POFUT1: variants seen among roughly 807,000 people sequenced by gnomAD.
POFUT1 encodes protein O-fucosyltransferase 1, also known as GDP-fucose protein O-fucosyltransferase 1.
In POFUT1, 16 loss-of-function variants were observed where a neutral mutation model predicts 42.4. The observed-to-expected ratio is 0.38, with a 90% CI of 0.26 to 0.57. The LOEUF (loss-of-function observed/expected upper bound fraction) is 0.57, where lower values mean the gene tolerates loss of function less well. Among genes scored for constraint, POFUT1 ranks in the 20% least tolerant of loss-of-function variants. The pLI is 0.71. For synonymous variants in POFUT1, 206 were observed against 205.4 expected (o/e 1.00, Z -0.03); for missense variants, 470 against 504.6 (o/e 0.93, Z 0.66).
chr20:32,214,976 C>T (rs59582435), intron 2 of POFUT1, among the ~76,000 whole-genome samples: 2 of 152,122 alleles, frequency 1.3e-5, no homozygotes, highest in Non-Finnish European at 1.5e-5. Flanking sequence ...CAACCTCCAC[C>T]TCCTGGGTTC....
At chr20:32,234,417 G>T in intron 6 of POFUT1, 56 bp from the exon 7 acceptor site, 1 of 1,465,618 alleles carries the variant, frequency 6.8e-7, no homozygotes, top group Non-Finnish European at 9.3e-7. Context: ...GGGTGTGGAT[G>T]GCAGGCCTTG....
At chr20:32,221,709 AT>A (rs1569156384) in intron 4 of POFUT1, among the ~76,000 whole-genome samples, 1 of 151,144 alleles carries the variant, frequency 6.6e-6, no homozygotes. Flanking sequence ...GATTGAGACC[AT>A]CTTAAAAAAA....
rs141137887 is a variant in POFUT1, at chr20:32,225,610, C to T, written c.543-2653C>T. 2.4e-4 allele frequency among the ~76,000 whole-genome samples: 37 copies of T among 152,248 alleles called. No individual in the cohort carries two copies. The East Asian group carries it at 6.9e-3, about 29-fold the overall frequency. ...CTCAAGCGATTTTCCCATGTAGCCT[C>T]CTAGGTAGCTGAGACCACAGGCACA... is the stretch of plus-strand genomic sequence containing the variant. On this transcript the variant is annotated intron_variant, in intron 4 of 6. Transcript: ENST00000375749.
chr20:32,210,137 C>A lies in POFUT1; in HGVS notation c.191C>A (p.Thr64Asn). ...GCATTTGCAAAGCTGCTAAACCGTA[C>A]CTTGGCTGTCCCTCCTTGGATTGAG... is the stretch of plus-strand genomic sequence containing the variant. Reference protein sequence around the residue: ...SLAFAKLLNRTLAVPPWIEYQ... With the variant: ...SLAFAKLLNRNLAVPPWIEYQ... The change falls in exon 2 of 7, where the codon ACC (threonine) becomes AAC (asparagine). Residue 64 changes from threonine to asparagine, a missense_variant. By Grantham distance (65) the Thr-to-Asn change is moderately conservative. Coordinates refer to ENST00000375749, the MANE Select transcript of POFUT1 (RefSeq NM_015352.2). 6.2e-7 allele frequency: 1 copy of A among 1,614,074 alleles called. No individual in the cohort carries two copies. The highest frequency in any genetic ancestry group is 1.1e-5 in the South Asian group (1 of 91,082).
intron 4 of POFUT1, among the ~76,000 whole-genome samples, chr20:32,227,572 G>A (rs550440902): frequency 1.4e-4 from 22 of 152,226 alleles, no homozygotes; most frequent in Admixed American, 8.5e-4. Flanking sequence ...AAGCTCTTGG[G>A]TGTGCCAGAC....
At chr20:32,218,843 G>A (rs1418143998) in intron 4 of POFUT1, among the ~76,000 whole-genome samples, 1 of 152,218 alleles carries the variant, frequency 6.6e-6, no homozygotes, top group Non-Finnish European at 1.5e-5. Context: ...ATGGTGCATG[G>A]GGAGTGTTGT....
chr20:32,215,639 GA>G (rs2047356145), intron 3 of POFUT1, among the ~76,000 whole-genome samples, 188 bp downstream of exon 3: 1 of 152,190 alleles, frequency 6.6e-6, no homozygotes, highest in Non-Finnish European at 1.5e-5. Context: ...TTGCTTCTCT[GA>G]ACCTTCATTT....
In POFUT1 at chr20:32,237,897, T is replaced by C. The variant is rs1331768155; in HGVS notation, c.*3236T>C. ...AAGGAGGTGGGAAATGATTAGATTCTGAACATATGTAATTATTTTTCAGTC... is the reference window on the plus strand; with the variant it reads ...AAGGAGGTGGGAAATGATTAGATTCCGAACATATGTAATTATTTTTCAGTC... On this transcript the variant is annotated 3_prime_UTR_variant, in exon 7 of 7. Transcript: ENST00000375749. The C allele has an allele frequency of 3.9e-6, 2 of 511,874 alleles. No homozygotes were observed. The highest frequency in any genetic ancestry group is 8.0e-6 in the Non-Finnish European group (2 of 249,796). 31.7% of individuals were successfully genotyped at this position (511,874 alleles called of 1,614,324 possible). A position where few individuals can be genotyped will look rare whatever the true frequency, so the allele number is the denominator to read the frequency against.
chr20:32,222,755 G>A (rs935766766), intron 4 of POFUT1: 1 of 985,336 alleles, frequency 1.0e-6, no homozygotes, highest in Admixed American at 6.1e-5. Flanking sequence ...GAATAGCCTG[G>A]CACAGCTCTA....
At chr20:32,223,641 T>G in intron 4 of POFUT1, 1 of 985,386 alleles carries the variant, frequency 1.0e-6, no homozygotes, top group Non-Finnish European at 1.2e-6. Context: ...GCTACTCAGG[T>G]AATATGAATT....
At chr20:32,214,245 C>T (rs1157786853) in intron 2 of POFUT1, among the ~76,000 whole-genome samples, 1 of 152,164 alleles carries the variant, frequency 6.6e-6, no homozygotes, top group Non-Finnish European at 1.5e-5. Context: ...CCATCTCAGC[C>T]TCCCTAGTAG....
intron 3 of POFUT1, 33 bp from the exon 4 acceptor site, chr20:32,216,576 A>G (rs1372054375): frequency 2.9e-6 from 4 of 1,390,136 alleles, no homozygotes; most frequent in Non-Finnish European, 3.1e-6. Flanking sequence ...TTCCCTCCCC[A>G]TCAGTAAGCC....
rs2047471448 is a variant in POFUT1 at position 32,236,467 on chromosome 20, AGCTGAGACT to A, written c.*1809_*1817del. 1.3e-5 allele frequency: 2 copies of A among 152,208 alleles called. No individual in the cohort carries two copies. Among genetic ancestry groups the A allele is most frequent in the Admixed American group, 6.6e-5 (1 of 15,264 alleles). The allele number at this position is 152,208 out of a possible 1,614,324, so 9.4% of individuals were successfully genotyped here. A position where few individuals can be genotyped will look rare whatever the true frequency, so the allele number is the denominator to read the frequency against. On this transcript the variant is annotated 3_prime_UTR_variant, in exon 7 of 7. Transcript: ENST00000375749. ...ATCCTTCTGCCTCAGCCTCTCTGGT[AGCTGAGACT>A]GCATGCCCAGCTCCAAATCACCTTG...
chr20:32,232,165 C>T (rs1600395046), intron 6 of POFUT1, among the ~76,000 whole-genome samples: 2 of 152,106 alleles, frequency 1.3e-5, no homozygotes, highest in African/African-American at 4.8e-5. Context: ...TAATCTCCTC[C>T]CCACCTACTG....
At chr20:32,220,649 A>G (rs894459448) in intron 4 of POFUT1, among the ~76,000 whole-genome samples, 1 of 152,136 alleles carries the variant, frequency 6.6e-6, no homozygotes, top group Non-Finnish European at 1.5e-5. Flanking sequence ...AGGCTGAGGC[A>G]TAAGAATCAC....
intron 2 of POFUT1, among the ~76,000 whole-genome samples, chr20:32,213,852 C>T (rs1255331812): frequency 1.3e-5 from 2 of 152,188 alleles, no homozygotes; most frequent in African/African-American, 4.8e-5. Flanking sequence ...AACACTTTCT[C>T]ATGTTTGTTT....
intron 4 of POFUT1, 29 bp from the exon 5 acceptor site, chr20:32,228,234 T>C: frequency 6.3e-7 from 1 of 1,595,944 alleles, no homozygotes; most frequent in Non-Finnish European, 8.6e-7. Flanking sequence ...GTGCGTCCTC[T>C]GACTTCCCTC....
At chr20:32,223,005 C>G (rs912981973) in intron 4 of POFUT1, 1 of 985,292 alleles carries the variant, frequency 1.0e-6, no homozygotes, top group African/African-American at 1.7e-5. Flanking sequence ...CTGCCTTGTT[C>G]ATGTCCCTGG....
intron 4 of POFUT1, chr20:32,223,620 G>A: frequency 1.0e-6 from 1 of 985,346 alleles, no homozygotes; most frequent in Non-Finnish European, 1.2e-6. Context: ...CTGAAGACCT[G>A]GCCTATAGTA....
Sources: gnomAD v4.1 joint callset for allele counts (sites outside exome capture counted in the v4.1 genomes callset) on GRCh38, gnomAD v4.1.1 for gene constraint, MANE v1.5 for transcripts, NCBI Gene and HGNC (gene_info 2026-07-23, HGNC 2026-07-21) for gene names.